The following CAPN7 variants were observed in gnomAD, a reference collection of about 807,000 sequenced individuals.
CAPN7 encodes calpain 7.
In CAPN7, 72 loss-of-function variants were observed where a neutral mutation model predicts 115.2. The ratio of observed to expected loss-of-function variants is 0.63; its 90% CI spans 0.52 to 0.76. CAPN7 has a LOEUF of 0.76. Among genes scored for constraint, CAPN7 ranks in the 30% least tolerant of loss-of-function variants. CAPN7 has a pLI of 0.00. For missense variants in CAPN7, 905 were observed against 971.5 expected (o/e 0.93, Z 0.91); for synonymous variants, 344 against 322.3 (o/e 1.07, Z -0.72).
At chr3:15,215,552 A>G (rs147378037) in intron 2 of CAPN7, among the ~76,000 whole-genome samples, 2 of 152,262 alleles carry the variant, frequency 1.3e-5, no homozygotes, top group South Asian at 2.1e-4. Context: ...GGATTTGCCT[A>G]TTGTGGATAT....
intron 7 of CAPN7, among the ~76,000 whole-genome samples, chr3:15,228,752 G>C (rs1285954402): frequency 1.3e-5 from 2 of 152,058 alleles, no homozygotes; most frequent in Non-Finnish European, 2.9e-5. Flanking sequence ...ATAACTATTG[G>C]GTACTGGGCT....
Position 15,206,534 on chromosome 3 carries a change from C to T in CAPN7, c.39C>T (p.Phe13=). 6.4e-7 allele frequency: 1 copy of T among 1,556,282 alleles called. No individual in the cohort carries two copies. The highest frequency in any genetic ancestry group is 8.7e-7 in the Non-Finnish European group (1 of 1,150,478). The change falls in exon 1 of 21, where the codon TTC becomes TTT. Residue 13 remains phenylalanine, a synonymous_variant. Transcript: ENST00000253693. The part of the protein sequence containing the change: ...ATALERDAVQ[F]ARLAVQRDHE... ...CACTGGAGCGGGACGCTGTGCAGTT[C>T]GCCCGTCTGGCGGTTCAGCGCGACC...
At chr3:15,227,067 G>C (rs1381439705) in intron 6 of CAPN7, among the ~76,000 whole-genome samples, 2 of 150,546 alleles carry the variant, frequency 1.3e-5, no homozygotes, top group South Asian at 4.2e-4. Context: ...TAAGCACAGA[G>C]GTTCTAGAGC....
chr3:15,233,332 T>C (rs1434266924), intron 10 of CAPN7, among the ~76,000 whole-genome samples: 2 of 152,238 alleles, frequency 1.3e-5, no homozygotes, highest in African/African-American at 2.4e-5. Context: ...CCTTGACTTT[T>C]CCAGTTTTAT....
At chr3:15,212,831 A>G (rs1441607759) in intron 2 of CAPN7, among the ~76,000 whole-genome samples, 3 of 152,126 alleles carry the variant, frequency 2.0e-5, no homozygotes, top group Non-Finnish European at 2.9e-5. Context: ...TTCTGTAGGG[A>G]TTCTTTTTAA....
intron 8 of CAPN7, among the ~76,000 whole-genome samples, chr3:15,229,551 TAC>T (rs374688390): frequency 7.3e-6 from 1 of 136,092 alleles, no homozygotes. Flanking sequence ...AAATTGGTTT[TAC>T]TTTTTTTCTT....
At chr3:15,244,971 T>G (rs1339260117) in intron 16 of CAPN7, among the ~76,000 whole-genome samples, 1 of 152,080 alleles carries the variant, frequency 6.6e-6, no homozygotes. Context: ...CCAGAAACAG[T>G]TATTTTTTTC....
Position 15,223,529 on chromosome 3 carries a change from G to A in CAPN7, c.693G>A (p.Leu231=), listed in dbSNP as rs1168083834. 8 of 1,607,298 alleles carry A rather than the reference G, an allele frequency of 5.0e-6. No homozygotes were observed. Among genetic ancestry groups the A allele is most frequent in the Non-Finnish European group, 6.8e-6 (8 of 1,176,974 alleles). Residue 231 remains leucine (L), a synonymous_variant, in exon 6 of 21, where the codon CTG becomes CTA. Transcript: ENST00000253693. ...IEYVPFMNVD[L]RERFAYPMPF... is the part of the protein sequence containing the mutation. The stretch of plus-strand genomic sequence containing the variant: ...ATGTTCCTTTCATGAATGTTGACCT[G>A]AGAGAACGTTTTGCCTATCCAATGC...
intron 17 of CAPN7, chr3:15,246,492 C>G (rs1330738066): frequency 1.4e-5 from 6 of 426,368 alleles, no homozygotes; most frequent in Non-Finnish European, 2.5e-5. Flanking sequence ...TTTTCAGATG[C>G]AGAAGCCACA....
At chr3:15,216,059 A>G (rs368786899) in intron 2 of CAPN7, among the ~76,000 whole-genome samples, 131 of 151,996 alleles carry the variant, frequency 8.6e-4, no homozygotes, top group African/African-American at 2.8e-3. Flanking sequence ...CTGCACTCCA[A>G]CTTGGGTGAC....
intron 19 of CAPN7, among the ~76,000 whole-genome samples, chr3:15,249,446 C>T (rs952000123): frequency 7.2e-5 from 11 of 152,114 alleles, no homozygotes; most frequent in Non-Finnish European, 2.9e-5. Flanking sequence ...AATAATGAAT[C>T]TGTCTTCTGG....
At chr3:15,227,314 T>C (rs1324476664) in intron 6 of CAPN7, among the ~76,000 whole-genome samples, 1 of 152,180 alleles carries the variant, frequency 6.6e-6, no homozygotes, top group Non-Finnish European at 1.5e-5. Flanking sequence ...TTAATCACTT[T>C]AAGCTATTTC....
intron 18 of CAPN7, 126 bp from the exon 19 acceptor site, chr3:15,247,201 A>G (rs979789958): frequency 2.7e-5 from 18 of 668,058 alleles, no homozygotes; most frequent in East Asian, 2.4e-4. Flanking sequence ...TAAAGATGGG[A>G]GAGAGGGGTT....
At chr3:15,234,375 A>G (rs1258118359) in intron 11 of CAPN7, among the ~76,000 whole-genome samples, 3 of 152,186 alleles carry the variant, frequency 2.0e-5, no homozygotes, top group African/African-American at 4.8e-5. Context: ...TAGAATAGAG[A>G]TTGCAGAAGT....
In CAPN7 at chr3:15,250,981, C is replaced by T. The variant is rs1695974601; in HGVS notation, c.2255C>T (p.Pro752Leu). 6.2e-7 allele frequency: 1 copy of T among 1,613,682 alleles called. No homozygotes were observed. Among genetic ancestry groups the T allele is most frequent in the African/African-American group, 1.3e-5 (1 of 75,026 alleles). The change falls in exon 20 of 21, where the codon CCT (proline) becomes CTT (leucine). Residue 752 changes from proline (P) to leucine (L), a missense_variant. Coordinates refer to ENST00000253693, the MANE Select transcript of CAPN7 (RefSeq NM_014296.3). ...EVVTVSTLGD[P>L]GPHGFLRKSS... Reference sequence around the variant, plus strand: ...GTAACAGTTTCTACTCTAGGAGATCCTGGTCCCCATGGCTTTCTGAGGAAA... The same window carrying T: ...GTAACAGTTTCTACTCTAGGAGATCTTGGTCCCCATGGCTTTCTGAGGAAA...
At position 15,245,637 on chromosome 3, in the gene CAPN7, A is replaced by G. The variant is rs377370159; in HGVS notation, c.1976A>G (p.Tyr659Cys). ...ACCTTTACATTAGTGGTTTCTCAAT[A>G]TGAAAAACAGAACACAATCCATTAC... ...THTFTLVVSQYEKQNTIHYTV... is the reference protein window; with the variant it reads ...THTFTLVVSQCEKQNTIHYTV... Residue 659 changes from tyrosine to cysteine, a missense_variant, in exon 17 of 21, where the codon TAT (tyrosine) becomes TGT (cysteine). By Grantham distance (194) the Tyr-to-Cys change is radical. Coordinates refer to ENST00000253693, the MANE Select transcript of CAPN7 (RefSeq NM_014296.3). 1.5e-5 allele frequency: 24 copies of G among 1,613,836 alleles called. No homozygotes were observed. Among genetic ancestry groups the G allele is most frequent in the Non-Finnish European group, 1.9e-5 (23 of 1,179,928 alleles).
chr3:15,235,158 ATCTTTT>A lies in CAPN7; in HGVS notation c.1407+20_1407+25del, dbSNP rs1378536123. The A allele has an allele frequency of 1.3e-6, 2 of 1,578,910 alleles. No homozygotes were observed. Among genetic ancestry groups the A allele is most frequent in the African/African-American group, 1.4e-5 (1 of 72,920 alleles). On this transcript the variant is annotated intron_variant, in intron 12 of 20. Transcript: ENST00000253693. The stretch of plus-strand genomic sequence containing the variant: ...TAGAGAGTTCAAGGTTTTGCCTTAA[ATCTTTT>A]TCTTTTATTTTTCTTGTTGGATAAG...
At chr3:15,231,526 T>G (rs1320792143) in intron 9 of CAPN7, among the ~76,000 whole-genome samples, 1 of 152,020 alleles carries the variant, frequency 6.6e-6, no homozygotes, top group Non-Finnish European at 1.5e-5. Flanking sequence ...CTCATATCTC[T>G]GAGAACACTT....
Position 15,250,965 on chromosome 3 carries a change from TC to T in CAPN7, c.2240del (p.Ser747LeufsTer3). The T allele has an allele frequency of 6.2e-7, 1 of 1,613,498 alleles. No homozygotes were observed. The highest frequency in any genetic ancestry group is 8.5e-7 in the Non-Finnish European group (1 of 1,179,474). On this transcript the variant is annotated frameshift_variant, in exon 20 of 21. Coordinates refer to ENST00000253693, the MANE Select transcript of CAPN7 (RefSeq NM_014296.3). LOFTEE classifies it high-confidence loss of function. ...YSVGFEVVTV[S>X]TLGDPGPHGF... ...CGTTGGATTTGAGGTTGTAACAGTT[TC>T]TACTCTAGGAGATCCTGGTCCCCAT...
Sources: gnomAD v4.1 joint callset for allele counts (sites outside exome capture counted in the v4.1 genomes callset) on GRCh38, gnomAD v4.1.1 for gene constraint, MANE v1.5 for transcripts, NCBI Gene and HGNC (gene_info 2026-07-23, HGNC 2026-07-21) for gene names.